Variants in TARS3 observed in about 807,000 individuals in gnomAD.
TARS3 encodes the protein threonine--tRNA ligase 2, cytoplasmic.
TARS3 carries 94 observed loss-of-function variants against 103.5 expected under a neutral mutation model. The observed-to-expected ratio is 0.91, with a 90% CI of 0.77 to 1.08. The LOEUF (loss-of-function observed/expected upper bound fraction) is 1.08, where lower values mean the gene tolerates loss of function less well. TARS3 is among the 50% of genes least tolerant of loss of function. TARS3 has a pLI of 0.00. For missense variants in TARS3, 952 were observed against 995.2 expected (o/e 0.96, Z 0.58); for synonymous variants, 416 against 355.4 (o/e 1.17, Z -1.92).
chr15:101,723,994 G>A (rs1004797381), intron 1 of TARS3, 97 bp downstream of exon 1: 8 of 1,160,992 alleles, frequency 6.9e-6, no homozygotes, highest in South Asian at 2.3e-5. Flanking sequence ...CCCCCGGGGC[G>A]CCCCCGCACC....
chr15:101,707,872 G>T (rs1899648257), intron 6 of TARS3, among the ~76,000 whole-genome samples: 2 of 152,020 alleles, frequency 1.3e-5, no homozygotes, highest in Admixed American at 6.5e-5. Context: ...GCACAAAAAA[G>T]AATACTGCAA....
intron 4 of TARS3, chr15:101,714,590 A>T (rs1900037328): frequency 6.6e-6 from 1 of 150,494 alleles, no homozygotes. Flanking sequence ...TGGGTGACAG[A>T]GTAAGACTCC....
chr15:101,702,024 A>G (rs1212217086), intron 9 of TARS3, among the ~76,000 whole-genome samples: 1 of 152,218 alleles, frequency 6.6e-6, no homozygotes, highest in African/African-American at 2.4e-5. Flanking sequence ...AGAAGGGTAC[A>G]ATTTTCAAAA....
chr15:101,702,461 A>C (rs1899332889), intron 8 of TARS3, 76 bp from the exon 9 acceptor site: 4 of 1,253,376 alleles, frequency 3.2e-6, no homozygotes, highest in Non-Finnish European at 4.6e-6. Flanking sequence ...ATACAAATGC[A>C]ATTTTCCACT....
At chr15:101,661,663 A>C (rs757741398) in intron 16 of TARS3, 49 bp downstream of exon 16, 1 of 1,139,294 alleles carries the variant, frequency 8.8e-7, no homozygotes, top group Non-Finnish European at 1.2e-6. Context: ...AATTAATAAA[A>C]ATTAAAAAGA....
chr15:101,680,102 G>A (rs1222635725), intron 12 of TARS3, among the ~76,000 whole-genome samples: 2 of 152,138 alleles, frequency 1.3e-5, no homozygotes, highest in Non-Finnish European at 2.9e-5. Context: ...TGGGGGAGGG[G>A]GATGGGATCT....
chr15:101,684,331 TC>T (rs1324464137), intron 11 of TARS3, 94 bp from the exon 12 acceptor site: 2 of 1,221,664 alleles, frequency 1.6e-6, no homozygotes, highest in South Asian at 2.1e-5. Context: ...GCCTCAAGAT[TC>T]ATAAACTCCT....
At chr15:101,661,549 T>C (rs996556647) in intron 16 of TARS3, among the ~76,000 whole-genome samples, 163 bp downstream of exon 16, 5 of 152,146 alleles carry the variant, frequency 3.3e-5, no homozygotes, top group East Asian at 1.9e-4. Flanking sequence ...GTTTGGACAA[T>C]TGCTAATTAC....
chr15:101,654,666 A>G lies in TARS3; in HGVS notation c.2325T>C (p.His775=), dbSNP rs1198778976. Residue 775 remains histidine (H), a synonymous_variant, in exon 19 of 19, where the codon CAT becomes CAC. Coordinates refer to ENST00000335968, the MANE Select transcript of TARS3 (RefSeq NM_152334.3). ...VNVRTRDNKI[H]GEILVTSAID... is the part of the protein sequence containing the mutation. ...TGGCAGAAGTTACTAAAATCTCTCCATGAATTTTGTTGTCTCTTGTTCGCA... is the reference window on the plus strand; with the variant it reads ...TGGCAGAAGTTACTAAAATCTCTCCGTGAATTTTGTTGTCTCTTGTTCGCA... 6.2e-7 allele frequency: 1 copy of G among 1,614,050 alleles called. No individual in the cohort carries two copies. Among genetic ancestry groups the G allele is most frequent in the African/African-American group, 1.3e-5 (1 of 74,940 alleles).
chr15:101,708,688 A>C lies in TARS3; in HGVS notation c.930+105T>G, dbSNP rs1016970106. 3.8e-6 allele frequency: 3 copies of C among 796,676 alleles called. No homozygotes were observed. In the African/African-American group the frequency reaches 5.2e-5, roughly 14 times the overall value. 49.4% of individuals were successfully genotyped at this position (796,676 alleles called of 1,614,324 possible). On this transcript the variant is annotated intron_variant, in intron 6 of 18. Coordinates refer to ENST00000335968, the MANE Select transcript of TARS3 (RefSeq NM_152334.3). ...CTCACAGTAGCTTAACAGGATTGGA[A>C]TAATTTGGTGAGCAACAGGTAATTA... is the stretch of plus-strand genomic sequence containing the variant.
At chr15:101,684,623 C>T (rs1323952822) in intron 11 of TARS3, among the ~76,000 whole-genome samples, 1 of 152,178 alleles carries the variant, frequency 6.6e-6, no homozygotes, top group Non-Finnish European at 1.5e-5. Flanking sequence ...ATCATTATGG[C>T]ACTGGTCTTT....
At chr15:101,658,331 A>AAAAAAAAAAACAAAAAAAAAAAAAAAAAC (rs1897256370) in intron 16 of TARS3, among the ~76,000 whole-genome samples, 1 of 150,824 alleles carries the variant, frequency 6.6e-6, no homozygotes, top group Non-Finnish European at 1.5e-5. Flanking sequence ...AAAAAAAAAA[A>AAAAAAAAAAACAAAAAAAAAAAAAAAAAC]GGAACCAACT....
At chr15:101,712,126 C>T in intron 4 of TARS3, 125 bp from the exon 5 acceptor site, 1 of 1,056,794 alleles carries the variant, frequency 9.5e-7, no homozygotes. Flanking sequence ...GCAGCAACAT[C>T]AACTTGAAAG....
chr15:101,670,912 G>A (rs568301147), intron 15 of TARS3, among the ~76,000 whole-genome samples: 8 of 152,222 alleles, frequency 5.3e-5, no homozygotes, highest in South Asian at 4.2e-4. Flanking sequence ...GCATGGCTCC[G>A]TTTACATGAC....
At chr15:101,692,088 C>G (rs1024697349) in intron 10 of TARS3, among the ~76,000 whole-genome samples, 1 of 152,210 alleles carries the variant, frequency 6.6e-6, no homozygotes, top group African/African-American at 2.4e-5. Context: ...CCTGACATGC[C>G]AATATACTTT....
chr15:101,712,673 G>C (rs1051911837), intron 4 of TARS3, among the ~76,000 whole-genome samples: 5 of 152,156 alleles, frequency 3.3e-5, no homozygotes, highest in African/African-American at 1.2e-4. Context: ...ATACTGTTTT[G>C]AGTTCCCAAG....
chr15:101,663,980 A>C (rs1359751134), intron 15 of TARS3, among the ~76,000 whole-genome samples: 1 of 152,126 alleles, frequency 6.6e-6, no homozygotes, highest in East Asian at 1.9e-4. Context: ...ACAACAGCAC[A>C]CTCTCATCCA....
At chr15:101,704,372 G>A (rs529333503) in intron 7 of TARS3, among the ~76,000 whole-genome samples, 3 of 152,254 alleles carry the variant, frequency 2.0e-5, no homozygotes, top group Admixed American at 2.0e-4. Flanking sequence ...GAAAGTCACA[G>A]GGCCGGGTGT....
rs1899323531 is a variant in TARS3 at position 101,702,309 on chromosome 15, T to G, written c.1151A>C (p.Asn384Thr). The change falls in exon 9 of 19, where the codon AAC becomes ACC. Residue 384 changes from asparagine (N) to threonine (T), a missense_variant. Physicochemically the swap from Asn to Thr is moderately conservative, Grantham distance 65 (BLOSUM62 0). Coordinates refer to ENST00000335968, the MANE Select transcript of TARS3 (RefSeq NM_152334.3). Reference sequence around the variant, plus strand: ...CTTTTCCCAGTCTCTCATCATCTTGTTATCAGGAAAGGATATTCCATAGAT... The same window carrying G: ...CTTTTCCCAGTCTCTCATCATCTTGGTATCAGGAAAGGATATTCCATAGAT... ...QRIYGISFPD[N>T]KMMRDWEKFQ... The G allele has an allele frequency of 6.2e-7, 1 of 1,614,188 alleles. No individual in the cohort carries two copies. The highest frequency in any genetic ancestry group is 8.5e-7 in the Non-Finnish European group (1 of 1,180,000).
Sources: allele counts gnomAD v4.1 joint callset (sites outside exome capture counted in the v4.1 genomes callset), GRCh38; gene constraint gnomAD v4.1.1; transcripts MANE v1.5; gene names NCBI Gene and HGNC (gene_info 2026-07-23, HGNC 2026-07-21).